MGAT5: variants seen among roughly 807,000 people sequenced by gnomAD.
The protein encoded by MGAT5 is alpha-1,6-mannosylglycoprotein 6-beta-N-acetylglucosaminyltransferase A.
MGAT5 carries 30 observed loss-of-function variants against 94.3 expected under a neutral mutation model. The ratio of observed to expected loss-of-function variants is 0.32; its 90% confidence interval spans 0.24 to 0.43. The LOEUF (loss-of-function observed/expected upper bound fraction) is 0.43, where lower values mean the gene tolerates loss of function less well. Ranked by LOEUF, MGAT5 falls within the 20% of genes least tolerant of loss-of-function variation. MGAT5 has a pLI of 1.00. For missense variants in MGAT5, 691 were observed against 905.5 expected, an observed-to-expected ratio of 0.76 and a Z score of 3.04; for synonymous variants, 310 against 322.9, an observed-to-expected ratio of 0.96 and a Z score of 0.43.
chr2:134,297,475 A>G (rs1685745737), intron 2 of MGAT5, among the ~76,000 whole-genome samples: 1 of 152,172 alleles, frequency 6.6e-6, no homozygotes, highest in Non-Finnish European at 1.5e-5. Flanking sequence ...TCCTATAAAC[A>G]CTGACACAAA....
At chr2:134,131,394 G>A (rs1252449222) in intron 1 of MGAT5, among the ~76,000 whole-genome samples, 2 of 152,136 alleles carry the variant, frequency 1.3e-5, no homozygotes, top group Non-Finnish European at 1.5e-5. Flanking sequence ...CAGAGCCAGG[G>A]TACAAAAGGC....
intron 1 of MGAT5, among the ~76,000 whole-genome samples, chr2:134,178,729 ATTCC>A (rs1688594549): frequency 6.6e-6 from 1 of 152,104 alleles, no homozygotes; most frequent in African/African-American, 2.4e-5. Flanking sequence ...TGAATTCTTG[ATTCC>A]CTTCCCCCGT....
chr2:134,372,802 A>ACAGCT (rs1397786684), intron 10 of MGAT5, among the ~76,000 whole-genome samples: 1 of 152,240 alleles, frequency 6.6e-6, no homozygotes, highest in East Asian at 1.9e-4. Context: ...AGCAGCATAA[A>ACAGCT]CAGCTAAGTG....
At chr2:134,435,683 A>G (rs916583516) in intron 14 of MGAT5, among the ~76,000 whole-genome samples, 17 of 152,178 alleles carry the variant, frequency 1.1e-4, no homozygotes, top group African/African-American at 2.7e-4. Context: ...CGCTTTTCTG[A>G]GCATGTTATA....
intron 1 of MGAT5, among the ~76,000 whole-genome samples, chr2:134,241,229 TC>T (rs936744963): frequency 1.3e-5 from 2 of 152,344 alleles, no homozygotes; most frequent in Admixed American, 6.5e-5. Context: ...ATCCTGTCCT[TC>T]CCGCTCTGGG....
rs1475458456 is a variant in MGAT5, at chr2:134,273,030, CGT to C, written c.406+2482_406+2483del. 4.9e-4 allele frequency among the ~76,000 whole-genome samples: 60 copies of C among 123,546 alleles called. 1 individual carries two copies. In the East Asian group the frequency reaches 6.6e-3, roughly 14 times the overall value. 81.1% of individuals were successfully genotyped at this position (123,546 alleles called of 152,430 possible). A position where few individuals can be genotyped will look rare whatever the true frequency, so the allele number is the denominator to read the frequency against. The stretch of plus-strand genomic sequence containing the variant: ...GTGTCTGTGTGTGTGTGCGCGCGCG[CGT>C]GCGCGTGCATGCATGCAGAGGCATC... On this transcript the variant is annotated intron_variant, in intron 2 of 15. Coordinates refer to ENST00000281923, the MANE Select transcript of MGAT5 (RefSeq NM_002410.5).
At chr2:134,329,731 C>G (rs1399993194) in intron 4 of MGAT5, among the ~76,000 whole-genome samples, 5 of 152,008 alleles carry the variant, frequency 3.3e-5, no homozygotes, top group Non-Finnish European at 7.4e-5. Context: ...AGGGCTTATC[C>G]TCATGCTTGG....
chr2:134,409,191 C>T (rs1683507422), intron 11 of MGAT5, among the ~76,000 whole-genome samples: 1 of 152,180 alleles, frequency 6.6e-6, no homozygotes, highest in African/African-American at 2.4e-5. Flanking sequence ...GATTATCCAG[C>T]ACTTACTAAG....
chr2:134,218,950 T>C (rs1220170368), intron 1 of MGAT5, among the ~76,000 whole-genome samples: 1 of 152,184 alleles, frequency 6.6e-6, no homozygotes, highest in Non-Finnish European at 1.5e-5. Flanking sequence ...TTAAAGGCTG[T>C]GTATCATTTA....
chr2:134,431,090 G>C (rs1312153976), intron 14 of MGAT5, among the ~76,000 whole-genome samples: 4 of 152,174 alleles, frequency 2.6e-5, no homozygotes, highest in East Asian at 3.9e-4. Context: ...AAGGCCTGGA[G>C]GGGGGAGAAA....
intron 9 of MGAT5, among the ~76,000 whole-genome samples, chr2:134,359,845 T>G (rs1679970750): frequency 6.6e-6 from 1 of 152,180 alleles, no homozygotes; most frequent in African/African-American, 2.4e-5. Context: ...CGGCAGATGT[T>G]ACCGGGTGGG....
At chr2:134,258,783 G>C (rs890732416) in intron 1 of MGAT5, among the ~76,000 whole-genome samples, 1 of 152,222 alleles carries the variant, frequency 6.6e-6, no homozygotes, top group African/African-American at 2.4e-5. Context: ...TGGGTTTGGA[G>C]CCAACTGGTT....
At position 134,441,873 on chromosome 2, in the gene MGAT5, CTTCT is replaced by C; in HGVS notation, c.1991_1994del (p.Phe664SerfsTer11). The C allele has an allele frequency of 6.2e-7, 1 of 1,613,956 alleles. No homozygotes were observed. The highest frequency in any genetic ancestry group is 8.5e-7 in the Non-Finnish European group (1 of 1,179,986). On this transcript the variant is annotated frameshift_variant, in exon 15 of 16. Coordinates refer to ENST00000281923, the MANE Select transcript of MGAT5 (RefSeq NM_002410.5). LOFTEE classifies it high-confidence loss of function. ...CAGGAGAGCCAGCTCATCTGCGAGC[CTTCT>C]TTCTTCCAGCACCTCAACAAGGACA...
intron 1 of MGAT5, among the ~76,000 whole-genome samples, chr2:134,206,951 G>A (rs561704925): frequency 2.0e-5 from 3 of 152,326 alleles, no homozygotes; most frequent in African/African-American, 7.2e-5. Flanking sequence ...GTTTTCTGTT[G>A]TTTTAAGCCA....
At chr2:134,284,047 C>T (rs913919644) in intron 2 of MGAT5, among the ~76,000 whole-genome samples, 1 of 152,192 alleles carries the variant, frequency 6.6e-6, no homozygotes, top group African/African-American at 2.4e-5. Flanking sequence ...ACCTTCAGCA[C>T]ATCACATTAT....
chr2:134,265,889 T>G (rs753757374), intron 1 of MGAT5, among the ~76,000 whole-genome samples: 2 of 152,100 alleles, frequency 1.3e-5, no homozygotes, highest in Non-Finnish European at 2.9e-5. Context: ...ACACAAATGG[T>G]CTGGGCGCGG....
chr2:134,272,482 C>A (rs1337099208), intron 2 of MGAT5, among the ~76,000 whole-genome samples: 1 of 151,854 alleles, frequency 6.6e-6, no homozygotes, highest in Non-Finnish European at 1.5e-5. Flanking sequence ...CAGTCCATAC[C>A]ATCATAATTT....
At chr2:134,439,160 A>G (rs1366293556) in intron 14 of MGAT5, among the ~76,000 whole-genome samples, 2 of 152,180 alleles carry the variant, frequency 1.3e-5, no homozygotes, top group Admixed American at 1.3e-4. Flanking sequence ...CTCAGCAGGC[A>G]ATGCCTTTCT....
At chr2:134,363,036 C>T (rs1305632638) in intron 10 of MGAT5, among the ~76,000 whole-genome samples, 1 of 152,232 alleles carries the variant, frequency 6.6e-6, no homozygotes, top group African/African-American at 2.4e-5. Flanking sequence ...GAAAGTATAA[C>T]AGGAGAGGAA....
Sources: gnomAD v4.1 joint callset for allele counts (sites outside exome capture counted in the v4.1 genomes callset) on GRCh38, gnomAD v4.1.1 for gene constraint, MANE v1.5 for transcripts, NCBI Gene and HGNC (gene_info 2026-07-23, HGNC 2026-07-21) for gene names.